Variants in METTL9 observed in about 807,000 individuals in gnomAD.
METTL9 encodes the protein methyltransferase 9, His-X-His N1(pi)-histidine, also known as protein-L-histidine N-pros-methyltransferase.
In METTL9, 10 loss-of-function variants were observed where a neutral mutation model predicts 36.0. The ratio of observed to expected loss-of-function variants is 0.28; its 90% CI spans 0.17 to 0.47. The LOEUF is 0.47. Among genes scored for constraint, METTL9 ranks in the 20% least tolerant of loss-of-function variants. The probability of loss-of-function intolerance (pLI) is 0.99; values close to 1 mark genes in which losing one functional copy is unlikely to be tolerated. For missense variants in METTL9, 246 were observed against 383.5 expected (o/e 0.64, Z 3.00); for synonymous variants, 175 against 149.7 (o/e 1.17, Z -1.23).
chr16:21,603,594 A>G (rs957635055), intron 1 of METTL9, among the ~76,000 whole-genome samples: 7 of 152,012 alleles, frequency 4.6e-5, no homozygotes, highest in Admixed American at 1.3e-4. Context: ...CTTAGGATCT[A>G]TTCTTTTTGA....
chr16:21,634,488 A>T (rs1315086015), intron 4 of METTL9, among the ~76,000 whole-genome samples: 1 of 152,182 alleles, frequency 6.6e-6, no homozygotes, highest in African/African-American at 2.4e-5. Flanking sequence ...AACAAGCCCT[A>T]CCGGGTGATT....
intron 4 of METTL9, among the ~76,000 whole-genome samples, chr16:21,651,161 T>G (rs1966564346): frequency 6.6e-6 from 1 of 152,128 alleles, no homozygotes; most frequent in South Asian, 2.1e-4. Flanking sequence ...AGGCGGAGCT[T>G]GCAGTGAGCC....
chr16:21,654,957 G>A, intron 4 of METTL9: 1 of 472,030 alleles, frequency 2.1e-6, no homozygotes, highest in African/African-American at 1.9e-5. Flanking sequence ...ATAACAGTGT[G>A]GGGCCTTGGA....
At chr16:21,645,174 T>C (rs1679965089) in intron 4 of METTL9, among the ~76,000 whole-genome samples, 3 of 152,194 alleles carry the variant, frequency 2.0e-5, no homozygotes, top group African/African-American at 7.2e-5. Context: ...TAGATGAGAC[T>C]GAGTGTGATG....
chr16:21,655,326 G>A lies in METTL9; in HGVS notation c.851G>A (p.Gly284Asp). Reference protein sequence around the residue: ...NSLPEVFRKAGFVIEAFTRLP... With the variant: ...NSLPEVFRKADFVIEAFTRLP... The stretch of plus-strand genomic sequence containing the variant: ...CTGCCTGAAGTTTTCAGAAAAGCTG[G>A]TTTTGTTATCGAAGCTTTCACCAGA... Residue 284 changes from glycine (G) to aspartate (D), a missense_variant, in exon 5 of 5, where the codon GGT (glycine) becomes GAT (aspartate). By Grantham distance (94) the Gly-to-Asp change is moderately conservative. This residue lies in a region of METTL9 where 146 missense variants were observed against 302.1 expected (regional missense o/e 0.48). Coordinates refer to ENST00000358154, the MANE Select transcript of METTL9 (RefSeq NM_016025.5). 6.2e-7 allele frequency: 1 copy of A among 1,614,248 alleles called. No homozygotes were observed. Among genetic ancestry groups the A allele is most frequent in the Non-Finnish European group, 8.5e-7 (1 of 1,180,028 alleles).
chr16:21,646,872 T>G (rs776380521), intron 4 of METTL9: 4 of 455,372 alleles, frequency 8.8e-6, no homozygotes, highest in Non-Finnish European at 1.6e-5. Context: ...GCCAGGCTAG[T>G]CTTGAACTCC....
intron 2 of METTL9, among the ~76,000 whole-genome samples, chr16:21,614,191 G>A (rs748330959): frequency 3.3e-5 from 5 of 152,068 alleles, no homozygotes; most frequent in Non-Finnish European, 5.9e-5. Context: ...CTGACATTTT[G>A]TTCCTTAAAT....
chr16:21,610,437 C>G (rs1965400271), intron 1 of METTL9, among the ~76,000 whole-genome samples: 3 of 152,300 alleles, frequency 2.0e-5, no homozygotes. Context: ...TCTGACATTG[C>G]TGCTGTGAAA....
chr16:21,652,531 C>T, intron 4 of METTL9: 1 of 1,607,230 alleles, frequency 6.2e-7, no homozygotes, highest in South Asian at 1.1e-5. Flanking sequence ...AAGAACCTTA[C>T]CGACACAAAA....
intron 3 of METTL9, 85 bp downstream of exon 3, chr16:21,618,159 A>G: frequency 2.9e-6 from 3 of 1,051,096 alleles, no homozygotes; most frequent in Admixed American, 5.8e-5. Context: ...TTCCATGATT[A>G]GAAATTTAAA....
intron 4 of METTL9, among the ~76,000 whole-genome samples, chr16:21,634,470 A>C (rs560142565): frequency 1.3e-5 from 2 of 152,284 alleles, no homozygotes; most frequent in South Asian, 4.1e-4. Context: ...CTTGTAAACC[A>C]CATTGATAAC....
chr16:21,602,522 TCA>T (rs1342584205), intron 1 of METTL9, among the ~76,000 whole-genome samples: 7 of 152,174 alleles, frequency 4.6e-5, no homozygotes, highest in Admixed American at 2.6e-4. Context: ...CAGACTGGTC[TCA>T]CAGACTTATT....
intron 2 of METTL9, among the ~76,000 whole-genome samples, chr16:21,615,973 C>T (rs1243407910): frequency 1.3e-5 from 2 of 152,146 alleles, no homozygotes; most frequent in East Asian, 1.9e-4. Flanking sequence ...AAATTTTTAG[C>T]ATTTCTATGG....
At chr16:21,638,415 AG>A (rs1441478992) in intron 4 of METTL9, among the ~76,000 whole-genome samples, 2 of 152,200 alleles carry the variant, frequency 1.3e-5, no homozygotes, top group Non-Finnish European at 2.9e-5. Context: ...CTTTATGGAA[AG>A]GGGTGAAGCT....
At position 21,618,074 on chromosome 16, in the gene METTL9, G is replaced by A. The variant is rs1965598231; in HGVS notation, c.566G>A (p.Arg189Lys). The A allele has an allele frequency of 1.3e-6, 2 of 1,545,240 alleles. No homozygotes were observed. The highest frequency in any genetic ancestry group is 8.7e-7 in the Non-Finnish European group (1 of 1,151,708). ...TGGCAGCTTCAGAAAAAGAAATACA[G>A]GTATAATTTTCTTGGTTTTAGATGC... ...MIWQLQKKKY[R>K]VLGINEWQNT... Residue 189 changes from arginine (R) to lysine (K), a missense_variant and splice_region_variant, in exon 3 of 5, where the codon AGA (arginine) becomes AAA (lysine). Arg to Lys is a conservative substitution (Grantham distance 26). Coordinates refer to ENST00000358154, the MANE Select transcript of METTL9 (RefSeq NM_016025.5).
intron 2 of METTL9, among the ~76,000 whole-genome samples, chr16:21,616,026 C>T (rs1965546846): frequency 6.6e-6 from 1 of 152,110 alleles, no homozygotes; most frequent in Non-Finnish European, 1.5e-5. Flanking sequence ...TCTCCTATGG[C>T]CTTAATGGGA....
chr16:21,646,980 C>T (rs754160372), intron 4 of METTL9: 3 of 1,027,566 alleles, frequency 2.9e-6, no homozygotes, highest in Non-Finnish European at 4.5e-6. Context: ...TAGTCCAAAC[C>T]TCATGGTGAC....
intron 4 of METTL9, chr16:21,627,706 T>TGGGAGGCCAAGGCAGGCAGATC (rs1325036074): frequency 6.6e-6 from 1 of 152,222 alleles, no homozygotes; most frequent in Admixed American, 6.5e-5. Context: ...CCCAGCACTT[T>TGGGAGGCCAAGGCAGGCAGATC]GGGAGGCCAA....
chr16:21,637,121 G>C (rs761781576), intron 4 of METTL9, among the ~76,000 whole-genome samples: 1 of 152,120 alleles, frequency 6.6e-6, no homozygotes, highest in Admixed American at 6.5e-5. Flanking sequence ...AAGGGGACCC[G>C]AGCGGGTTGC....
Sources: gnomAD v4.1 joint callset for allele counts (sites outside exome capture counted in the v4.1 genomes callset) on GRCh38, gnomAD v4.1.1 for gene constraint, gnomAD v4.1.1 regional missense constraint, MANE v1.5 for transcripts, NCBI Gene and HGNC (gene_info 2026-07-23, HGNC 2026-07-21) for gene names.